Variants in TACR3 observed in about 807,000 individuals in gnomAD.
TACR3 encodes the protein tachykinin receptor 3.
Under a neutral mutation model 35.0 loss-of-function variants are expected in TACR3, and 34 were observed. The ratio of observed to expected loss-of-function variants is 0.97; its 90% CI spans 0.74 to 1.30. TACR3 has a LOEUF of 1.30. TACR3 is among the 50% of genes most tolerant of loss of function. The pLI, the probability that TACR3 is intolerant of heterozygous loss-of-function variation, is 0.00. For synonymous variants in TACR3, 233 were observed against 221.1 expected (o/e 1.05, Z -0.48); for missense variants, 558 against 591.7 (o/e 0.94, Z 0.59).
chr4:103,589,596 TAGGAC>T lies in TACR3; in HGVS notation c.*81_*85del. On this transcript the variant is annotated 3_prime_UTR_variant, in exon 5 of 5. Coordinates refer to ENST00000304883, the MANE Select transcript of TACR3 (RefSeq NM_001059.3). ...TTGCTTTCTGTTTCTAGAGGGTATA[TAGGAC>T]AGGACTGGTAAATAGGAGAATGGGG... is the stretch of plus-strand genomic sequence containing the variant. 6.6e-7 allele frequency: 1 copy of T among 1,512,974 alleles called. No individual in the cohort carries two copies. Among genetic ancestry groups the T allele is most frequent in the South Asian group, 1.1e-5 (1 of 88,322 alleles). 93.7% of individuals were successfully genotyped at this position (1,512,974 alleles called of 1,614,324 possible). A position where few individuals can be genotyped will look rare whatever the true frequency, so the allele number is the denominator to read the frequency against.
intron 1 of TACR3, among the ~76,000 whole-genome samples, chr4:103,685,482 G>C (rs750549658): frequency 6.6e-6 from 1 of 152,024 alleles, no homozygotes; most frequent in Non-Finnish European, 1.5e-5. Context: ...ACAATAAAAA[G>C]TTCATATGAG....
At chr4:103,593,957 G>T (rs574195493) in intron 3 of TACR3, among the ~76,000 whole-genome samples, 1 of 151,808 alleles carries the variant, frequency 6.6e-6, no homozygotes, top group Non-Finnish European at 1.5e-5. Context: ...ATACATAAAG[G>T]GTACTCAGAA....
At chr4:103,699,167 T>C (rs909975896) in intron 1 of TACR3, among the ~76,000 whole-genome samples, 5 of 152,198 alleles carry the variant, frequency 3.3e-5, no homozygotes, top group African/African-American at 1.2e-4. Context: ...AATTACATAG[T>C]ATTTTAGGAG....
Position 103,687,570 on chromosome 4 carries a change from T to C in TACR3, c.549-29167A>G, listed in dbSNP as rs572112242. Among the ~76,000 whole-genome samples the C allele has an allele frequency of 5.9e-3, 895 of 152,180 alleles. 7 individuals carry two copies. The highest frequency in any genetic ancestry group is 0.021 in the African/African-American group (856 of 41,526). On this transcript the variant is annotated intron_variant, in intron 1 of 4. Coordinates refer to ENST00000304883, the MANE Select transcript of TACR3 (RefSeq NM_001059.3). ...AAAGTCTCAGGATACAAAATCAATG[T>C]ACAAAAATCACAAGCATTCTTATAC...
intron 3 of TACR3, among the ~76,000 whole-genome samples, chr4:103,625,423 A>G (rs578039491): frequency 1.3e-5 from 2 of 152,324 alleles, no homozygotes; most frequent in African/African-American, 4.8e-5. Flanking sequence ...GCAAGGATAG[A>G]CAAAAGAGAA....
chr4:103,595,580 A>G (rs1208396043), intron 3 of TACR3, among the ~76,000 whole-genome samples: 1 of 152,098 alleles, frequency 6.6e-6, no homozygotes, highest in Non-Finnish European at 1.5e-5. Flanking sequence ...AAATGCCTAC[A>G]GTTGTTCTTA....
At chr4:103,592,308 C>A (rs1723914329) in intron 3 of TACR3, among the ~76,000 whole-genome samples, 1 of 152,114 alleles carries the variant, frequency 6.6e-6, no homozygotes, top group South Asian at 2.1e-4. Context: ...TTGAGATTTG[C>A]AAATAGATTA....
intron 1 of TACR3, among the ~76,000 whole-genome samples, chr4:103,663,708 G>A (rs1327344976): frequency 6.6e-6 from 1 of 152,176 alleles, no homozygotes; most frequent in Admixed American, 6.5e-5. Flanking sequence ...AGAATTGCCA[G>A]GCTCTGATGA....
intron 3 of TACR3, among the ~76,000 whole-genome samples, chr4:103,636,382 A>C (rs879307208): frequency 6.6e-6 from 1 of 151,966 alleles, no homozygotes; most frequent in Admixed American, 6.6e-5. Flanking sequence ...TCTGAGAATT[A>C]ATTTTTAAGT....
At chr4:103,698,621 C>A (rs1450692436) in intron 1 of TACR3, among the ~76,000 whole-genome samples, 2 of 151,026 alleles carry the variant, frequency 1.3e-5, no homozygotes, top group African/African-American at 4.9e-5. Flanking sequence ...GTGAAATAAG[C>A]CAGGCACAGA....
At chr4:103,712,579 C>G (rs1171368331) in intron 1 of TACR3, among the ~76,000 whole-genome samples, 1 of 152,138 alleles carries the variant, frequency 6.6e-6, no homozygotes, top group East Asian at 1.9e-4. Flanking sequence ...GACTTTATGA[C>G]TAAAACACCA....
intron 1 of TACR3, among the ~76,000 whole-genome samples, chr4:103,688,274 A>C (rs968316502): frequency 6.6e-6 from 1 of 152,222 alleles, no homozygotes; most frequent in Non-Finnish European, 1.5e-5. Flanking sequence ...CTTAAACGTT[A>C]GATCTAAAAC....
intron 1 of TACR3, among the ~76,000 whole-genome samples, chr4:103,677,027 A>G (rs902528577): frequency 6.6e-6 from 1 of 152,134 alleles, no homozygotes; most frequent in African/African-American, 2.4e-5. Flanking sequence ...AAAATAAGCA[A>G]CCCCATTAAA....
At chr4:103,669,028 A>AT (rs1398442130) in intron 1 of TACR3, among the ~76,000 whole-genome samples, 2 of 151,722 alleles carry the variant, frequency 1.3e-5, no homozygotes, top group Non-Finnish European at 1.5e-5. Flanking sequence ...TACACAATAT[A>AT]TTTTTTTTAG....
At chr4:103,684,338 C>A (rs1459035268) in intron 1 of TACR3, among the ~76,000 whole-genome samples, 1 of 152,114 alleles carries the variant, frequency 6.6e-6, no homozygotes, top group Admixed American at 6.6e-5. Flanking sequence ...AAAATCCCCA[C>A]ATAGACCTAA....
At chr4:103,680,642 A>G (rs1722037142) in intron 1 of TACR3, among the ~76,000 whole-genome samples, 1 of 151,506 alleles carries the variant, frequency 6.6e-6, no homozygotes, top group African/African-American at 2.4e-5. Context: ...TTGTACCCTA[A>G]CAGATAGCTA....
chr4:103,636,787 C>T lies in TACR3; in HGVS notation c.888+19407G>A, dbSNP rs139834902. Among the ~76,000 whole-genome samples, 724 of 152,184 alleles carry T rather than the reference C, an allele frequency of 4.8e-3. 6 individuals carry two copies. The highest frequency in any genetic ancestry group is 0.016 in the African/African-American group (682 of 41,548). On this transcript the variant is annotated intron_variant, in intron 3 of 4. Transcript: ENST00000304883. ...ACCAATCCCACAGAAATATAAACTA[C>T]CATCAGAGAATACTATAAACACCTG...
intron 1 of TACR3, among the ~76,000 whole-genome samples, chr4:103,705,279 AT>A (rs1722760385): frequency 6.6e-6 from 1 of 152,276 alleles, no homozygotes; most frequent in East Asian, 1.9e-4. Context: ...TTCATAAAAA[AT>A]ATGTGTAAAA....
chr4:103,630,947 T>G lies in TACR3; in HGVS notation c.888+25247A>C, dbSNP rs569580409. On this transcript the variant is annotated intron_variant, in intron 3 of 4. Coordinates refer to ENST00000304883, the MANE Select transcript of TACR3 (RefSeq NM_001059.3). Reference sequence around the variant, plus strand: ...AACCAACCCAAATGTCCATCAATGATAGACTGGATTAAGAAAATGTGGCAC... The same window carrying G: ...AACCAACCCAAATGTCCATCAATGAGAGACTGGATTAAGAAAATGTGGCAC... Among the ~76,000 whole-genome samples, 5 of 152,274 alleles carry G rather than the reference T, an allele frequency of 3.3e-5. No homozygotes were observed. In the South Asian group the frequency reaches 1.0e-3, roughly 32 times the overall value.
Sources: gnomAD v4.1 joint callset for allele counts (sites outside exome capture counted in the v4.1 genomes callset) on GRCh38, gnomAD v4.1.1 for gene constraint, MANE v1.5 for transcripts, NCBI Gene and HGNC (gene_info 2026-07-23, HGNC 2026-07-21) for gene names.